TIPIN: variants seen among roughly 807,000 people sequenced by gnomAD.
TIPIN encodes the protein TIMELESS-interacting protein.
Under a neutral mutation model 35.6 loss-of-function variants are expected in TIPIN, and 29 were observed. The observed-to-expected ratio is 0.82, with a 90% CI of 0.61 to 1.11. The LOEUF is 1.11. TIPIN is among the 50% of genes most tolerant of loss of function. The probability of loss-of-function intolerance (pLI) is 0.00; values close to 1 mark genes in which losing one functional copy is unlikely to be tolerated. For missense variants in TIPIN, 296 were observed against 345.4 expected (o/e 0.86, Z 1.13); for synonymous variants, 102 against 121.5 (o/e 0.84, Z 1.06).
chr15:66,348,024 T>TTC (rs2093138830), intron 6 of TIPIN, among the ~76,000 whole-genome samples: 1 of 150,236 alleles, frequency 6.7e-6, no homozygotes, highest in African/African-American at 2.4e-5. Flanking sequence ...TTTTTTTTTT[T>TTC]CCAGACAAGG....
At chr15:66,356,889 A>G (rs548578464), upstream of TIPIN, among the ~76,000 whole-genome samples, 7 of 152,254 alleles carry the variant, frequency 4.6e-5, no homozygotes, top group African/African-American at 1.7e-4. Context: ...TTATTTGCAT[A>G]AAGTTAATAC....
intron 1 of TIPIN, among the ~76,000 whole-genome samples, chr15:66,372,129 GA>G (rs566166368): frequency 9.8e-4 from 149 of 152,216 alleles, no homozygotes; most frequent in Middle Eastern, 3.4e-3. Context: ...CATACAGACA[GA>G]AAAGTACACA....
Position 66,336,600 on chromosome 15 carries a change from C to T in TIPIN, c.*358G>A, listed in dbSNP as rs1218955031. 9 of 218,126 alleles carry T rather than the reference C, an allele frequency of 4.1e-5. No individual in the cohort carries two copies. Among genetic ancestry groups the T allele is most frequent in the Admixed American group, 3.1e-4 (6 of 19,358 alleles). 13.5% of individuals were successfully genotyped at this position (218,126 alleles called of 1,614,324 possible). On this transcript the variant is annotated 3_prime_UTR_variant, in exon 8 of 8. Transcript: ENST00000261881. Reference sequence around the variant, plus strand: ...AACAAAAAACTTCAACTAGACTACTCTGGGCACACTGTCCATGGATTAGCC... The same window carrying T: ...AACAAAAAACTTCAACTAGACTACTTTGGGCACACTGTCCATGGATTAGCC...
At chr15:66,360,899 G>A (rs999815818), upstream of TIPIN, among the ~76,000 whole-genome samples, 4 of 152,162 alleles carry the variant, frequency 2.6e-5, no homozygotes, top group Non-Finnish European at 5.9e-5. Context: ...CCAGGAGGCG[G>A]AGGTTGCAGT....
intron 1 of TIPIN, among the ~76,000 whole-genome samples, chr15:66,367,134 C>G (rs8036318): frequency 0.042 from 6,313 of 150,240 alleles, 321 homozygotes; most frequent in African/African-American, 0.11. Context: ...GAACCAAGAT[C>G]GCGCCACTGC....
intron 6 of TIPIN, among the ~76,000 whole-genome samples, chr15:66,345,964 G>A (rs79615392): frequency 7.2e-6 from 1 of 138,804 alleles, no homozygotes; most frequent in Non-Finnish European, 1.6e-5. Context: ...TTTTTTTTTT[G>A]AGACAGAGTT....
intron 7 of TIPIN, 40 bp from the exon 8 acceptor site, chr15:66,337,221 T>A: frequency 6.4e-7 from 1 of 1,551,384 alleles, no homozygotes; most frequent in Non-Finnish European, 8.8e-7. Flanking sequence ...TATAAGTACC[T>A]GATCCAATCT....
intron 1 of TIPIN, among the ~76,000 whole-genome samples, chr15:66,375,578 C>T (rs1468547931): frequency 6.7e-6 from 1 of 148,470 alleles, no homozygotes; most frequent in Non-Finnish European, 1.5e-5. Context: ...GTGGCTTATA[C>T]CTGTAATCCC....
chr15:66,351,719 G>A, intron 3 of TIPIN, 119 bp from the exon 4 acceptor site: 2 of 775,784 alleles, frequency 2.6e-6, no homozygotes, highest in Non-Finnish European at 4.1e-6. Flanking sequence ...GTCACTGCAA[G>A]CTCGGCCTCC....
At chr15:66,366,560 T>C (rs1015759162) in intron 1 of TIPIN, among the ~76,000 whole-genome samples, 1 of 136,988 alleles carries the variant, frequency 7.3e-6, no homozygotes, top group African/African-American at 2.7e-5. Context: ...GAGATTATCC[T>C]GGCTAACACA....
At chr15:66,361,880 C>T (rs2140479120) in intron 1 of TIPIN, among the ~76,000 whole-genome samples, 1 of 151,950 alleles carries the variant, frequency 6.6e-6, no homozygotes, top group South Asian at 2.1e-4. Context: ...GTGGTGCATG[C>T]CTGTAGGAGA....
At chr15:66,385,346 T>C (rs1433814386) in intron 1 of TIPIN, among the ~76,000 whole-genome samples, 1 of 152,222 alleles carries the variant, frequency 6.6e-6, no homozygotes, top group East Asian at 1.9e-4. Context: ...GTACACCTAA[T>C]GTCTTTGACA....
intron 1 of TIPIN, among the ~76,000 whole-genome samples, chr15:66,383,825 T>C (rs1028580471): frequency 1.3e-5 from 2 of 152,188 alleles, no homozygotes; most frequent in African/African-American, 4.8e-5. Context: ...TTGCGTTTTT[T>C]GTTAAATAAG....
intron 1 of TIPIN, among the ~76,000 whole-genome samples, chr15:66,372,866 G>A (rs1016621144): frequency 6.6e-6 from 1 of 151,856 alleles, no homozygotes; most frequent in Non-Finnish European, 1.5e-5. Flanking sequence ...TCATGCCACT[G>A]CATTCCAGCC....
In TIPIN at chr15:66,352,856, G is replaced by C; in HGVS notation, c.92C>G (p.Ser31Cys). 6.2e-7 allele frequency: 1 copy of C among 1,613,582 alleles called. No homozygotes were observed. Among genetic ancestry groups the C allele is most frequent in the Non-Finnish European group, 8.5e-7 (1 of 1,179,946 alleles). Residue 31 changes from serine (S) to cysteine (C), a missense_variant, in exon 2 of 8, where the codon TCT (serine) becomes TGT (cysteine). Coordinates refer to ENST00000261881, the MANE Select transcript of TIPIN (RefSeq NM_017858.3). Reference protein sequence around the residue: ...ETFPPFPPPASPERQDGEGTE... With the variant: ...ETFPPFPPPACPERQDGEGTE... ...TCCTTCACCATCTTGTCTCTCTGGA[G>C]AGGCTGGAGGTGGGAAAGGAGGAAA...
intron 6 of TIPIN, 126 bp downstream of exon 6, chr15:66,348,934 G>C: frequency 1.4e-6 from 1 of 713,922 alleles, no homozygotes; most frequent in Non-Finnish European, 2.4e-6. Flanking sequence ...GACAGAGCAA[G>C]ATTCTGTCCC....
At chr15:66,378,135 T>A (rs1303465884) in intron 1 of TIPIN, among the ~76,000 whole-genome samples, 1 of 152,196 alleles carries the variant, frequency 6.6e-6, no homozygotes, top group Admixed American at 6.5e-5. Flanking sequence ...CCTGAGTAGC[T>A]GGGATTACAG....
At position 66,352,117 on chromosome 15, in the gene TIPIN, T is replaced by C; in HGVS notation, c.212+12A>G. The C allele has an allele frequency of 6.4e-7, 1 of 1,567,222 alleles. No individual in the cohort carries two copies. The highest frequency in any genetic ancestry group is 1.2e-5 in the South Asian group (1 of 86,482). On this transcript the variant is annotated intron_variant, in intron 3 of 7. Transcript: ENST00000261881. The stretch of plus-strand genomic sequence containing the variant: ...TAAAAAGTATAAATGTATAAGAATA[T>C]AGTAAATGTACCTCTGAGCATCCAG...
chr15:66,383,574 CA>C (rs2093325629), intron 1 of TIPIN: 2 of 984,968 alleles, frequency 2.0e-6, no homozygotes, highest in African/African-American at 3.5e-5. Context: ...GCCTTCAATT[CA>C]CTTTTTAATG....
Sources: allele counts gnomAD v4.1 joint callset (sites outside exome capture counted in the v4.1 genomes callset), GRCh38; gene constraint gnomAD v4.1.1; transcripts MANE v1.5; gene names NCBI Gene and HGNC (gene_info 2026-07-23, HGNC 2026-07-21).